The following CYB5R3 variants were observed in gnomAD, a reference collection of about 807,000 sequenced individuals.
The protein encoded by CYB5R3 is NADH-cytochrome b5 reductase 3.
Under a neutral mutation model 36.5 loss-of-function variants are expected in CYB5R3, and 28 were observed. The observed-to-expected ratio is 0.77, with a 90% CI of 0.57 to 1.05. The LOEUF is 1.05. Ranked by LOEUF, CYB5R3 falls within the 50% of genes least tolerant of loss-of-function variation. The pLI is 0.00. For missense variants in CYB5R3, 474 were observed against 408.9 expected, an observed-to-expected ratio of 1.16 and a Z score of -1.37; for synonymous variants, 181 against 159.8, an observed-to-expected ratio of 1.13 and a Z score of -1.00.
intron 1 of CYB5R3, among the ~76,000 whole-genome samples, chr22:42,638,684 A>C (rs1601945161): frequency 7.1e-6 from 1 of 141,622 alleles, no homozygotes; most frequent in East Asian, 2.0e-4. Context: ...GTGAGCCAAG[A>C]TCACACCACC....
Position 42,627,361 on chromosome 22 carries a change from G to A in CYB5R3, c.576C>T (p.Arg192=), listed in dbSNP as rs751341831. Residue 192 remains arginine, a synonymous_variant, in exon 7 of 9, where the codon CGC becomes CGT. Transcript: ENST00000352397. ...TGITPMLQVI[R]AIMKDPDDHT... is the part of the protein sequence containing the mutation. ...GGTCATCAGGGTCCTTCATGATGGC[G>A]CGGATCACCTGCAGCATCGGGGTGA... 2.1e-5 allele frequency: 34 copies of A among 1,613,772 alleles called. 1 individual carries two copies. The South Asian group carries it at 2.3e-4, about 11-fold the overall frequency.
chr22:42,640,337 C>T, intron 1 of CYB5R3: 1 of 1,187,582 alleles, frequency 8.4e-7, no homozygotes, highest in Non-Finnish European at 1.1e-6. Context: ...CCGGAAGGAC[C>T]CTGCGTGGTT....
intron 1 of CYB5R3, chr22:42,644,660 C>T (rs113006504): frequency 1.0e-6 from 1 of 985,324 alleles, no homozygotes; most frequent in African/African-American, 1.7e-5. Context: ...ATCGACCTCT[C>T]CCTCAGTCAC....
intron 8 of CYB5R3, 61 bp downstream of exon 8, chr22:42,623,728 G>T: frequency 1.4e-6 from 2 of 1,417,350 alleles, no homozygotes; most frequent in Non-Finnish European, 2.0e-6. Context: ...AAACAGCTGG[G>T]CAAAGGTGAA....
At chr22:42,631,578 T>C (rs113198757) in intron 2 of CYB5R3, 128 bp from the exon 3 acceptor site, 11 of 829,756 alleles carry the variant, frequency 1.3e-5, no homozygotes, top group African/African-American at 6.8e-5. Context: ...CTGCTTGTCC[T>C]TGTAAGACGT....
At chr22:42,644,692 T>C (rs1381154673) in intron 1 of CYB5R3, 15 of 984,342 alleles carry the variant, frequency 1.5e-5, no homozygotes, top group African/African-American at 3.5e-5. Context: ...CCACGTGGAA[T>C]AGAGTCTAGG....
At chr22:42,645,569 G>C (rs992943009) in intron 1 of CYB5R3, among the ~76,000 whole-genome samples, 12 of 152,226 alleles carry the variant, frequency 7.9e-5, no homozygotes, top group African/African-American at 2.6e-4. Flanking sequence ...GCTCGCCGTG[G>C]GCAGCAGATG....
At chr22:42,621,081 G>A (rs1460112045) in intron 8 of CYB5R3, among the ~76,000 whole-genome samples, 1 of 152,182 alleles carries the variant, frequency 6.6e-6, no homozygotes, top group African/African-American at 2.4e-5. Flanking sequence ...GATCTGAAGT[G>A]GATCTGAAAG....
In CYB5R3 at chr22:42,647,712, C is replaced by T. The variant is rs190387146; in HGVS notation, c.21+1583G>A. On this transcript the variant is annotated intron_variant, in intron 1 of 8. Transcript: ENST00000352397. Reference sequence around the variant, plus strand: ...CCAACCTGGGTGACAGAGAGAGACTCCATCTCAAAAAAAAAAAACTTAGCC... The same window carrying T: ...CCAACCTGGGTGACAGAGAGAGACTTCATCTCAAAAAAAAAAAACTTAGCC... 4.5e-3 allele frequency among the ~76,000 whole-genome samples: 616 copies of T among 138,188 alleles called. 4 individuals are homozygous for T. The highest frequency in any genetic ancestry group is 0.015 in the African/African-American group (582 of 39,832). The allele number at this position is 138,188 out of a possible 152,430, so 90.7% of individuals were successfully genotyped here. A position where few individuals can be genotyped will look rare whatever the true frequency, so the allele number is the denominator to read the frequency against.
intron 1 of CYB5R3, among the ~76,000 whole-genome samples, chr22:42,637,649 A>G (rs1465217458): frequency 1.3e-5 from 2 of 152,096 alleles, no homozygotes; most frequent in Non-Finnish European, 2.9e-5. Context: ...GAGACCCTAC[A>G]GCTCAGATCA....
At chr22:42,641,208 T>C (rs1239324313) in intron 1 of CYB5R3, among the ~76,000 whole-genome samples, 1 of 152,204 alleles carries the variant, frequency 6.6e-6, no homozygotes, top group African/African-American at 2.4e-5. Context: ...TGTAAAAATA[T>C]AGTATATAAT....
At chr22:42,625,947 A>G (rs1601931849) in intron 7 of CYB5R3, among the ~76,000 whole-genome samples, 2 of 152,360 alleles carry the variant, frequency 1.3e-5, no homozygotes, top group African/African-American at 4.8e-5. Flanking sequence ...TAGCTGTCCT[A>G]TGAAGCCAGA....
At chr22:42,623,987 G>C in intron 7 of CYB5R3, 99 bp from the exon 8 acceptor site, 1 of 1,039,298 alleles carries the variant, frequency 9.6e-7, no homozygotes, top group Non-Finnish European at 1.5e-6. Flanking sequence ...CCGCCTGCGG[G>C]CCACACGCTT....
At chr22:42,644,804 C>T (rs8190403) in intron 1 of CYB5R3, among the ~76,000 whole-genome samples, 2,546 of 152,260 alleles carry the variant, frequency 0.017, 72 homozygotes, top group African/African-American at 0.058. Context: ...CTTGGTGCTC[C>T]CTGGAGTTCT....
At chr22:42,640,196 A>G (rs564579475) in intron 1 of CYB5R3, 6 of 1,609,144 alleles carry the variant, frequency 3.7e-6, no homozygotes, top group African/African-American at 2.7e-5. Context: ...AATGCGGCCA[A>G]TCGAGGCTTC....
chr22:42,621,219 T>TGTGTG (rs3046399), intron 8 of CYB5R3, among the ~76,000 whole-genome samples: 3 of 149,344 alleles, frequency 2.0e-5, no homozygotes, highest in Non-Finnish European at 3.0e-5. Flanking sequence ...TGTGTGTGTG[T>TGTGTG]TTTTAAGAGA....
intron 1 of CYB5R3, among the ~76,000 whole-genome samples, chr22:42,638,593 T>C (rs1464927230): frequency 2.0e-5 from 3 of 146,488 alleles, no homozygotes; most frequent in Non-Finnish European, 4.5e-5. Context: ...CCTGAATCCC[T>C]GGGCGGGCAC....
intron 1 of CYB5R3, 41 bp from the exon 2 acceptor site, chr22:42,636,887 C>T (rs778882125): frequency 1.2e-6 from 2 of 1,604,764 alleles, no homozygotes; most frequent in Admixed American, 1.7e-5. Context: ...AGGAGCCTGC[C>T]TTTCCCCAAA....
chr22:42,632,595 A>C (rs1928678343), intron 2 of CYB5R3: 1 of 152,314 alleles, frequency 6.6e-6, no homozygotes, highest in Non-Finnish European at 1.5e-5. Context: ...CCAGGCCTCA[A>C]AGCTGCCTCT....
Sources: allele counts gnomAD v4.1 joint callset (sites outside exome capture counted in the v4.1 genomes callset), GRCh38; gene constraint gnomAD v4.1.1; transcripts MANE v1.5; gene names NCBI Gene and HGNC (gene_info 2026-07-23, HGNC 2026-07-21).